ENTREP2: variants seen among roughly 807,000 people sequenced by gnomAD.
ENTREP2 encodes the protein endosomal transmembrane epsin interactor 2, also known as protein ENTREP2.
At chr15:29,524,252 A>G in the ENTREP2 span, among the ~76,000 whole-genome samples, 1 of 152,356 alleles carries the variant, frequency 6.6e-6, no homozygotes, top group East Asian at 1.9e-4. Context: ...TTGAAGGACC[A>G]ATAAGCACAT....
chr15:29,566,293 G>C, the ENTREP2 span, among the ~76,000 whole-genome samples: 2 of 151,608 alleles, frequency 1.3e-5, no homozygotes, highest in South Asian at 2.1e-4. Flanking sequence ...AGAGCAGCTG[G>C]AACTACAGGC....
chr15:29,521,890 CATTA>C, the ENTREP2 span, among the ~76,000 whole-genome samples: 6 of 151,952 alleles, frequency 3.9e-5, no homozygotes, highest in South Asian at 2.1e-4. Context: ...TTTTAAAACA[CATTA>C]ATTAAGACAG....
the ENTREP2 span, among the ~76,000 whole-genome samples, chr15:29,600,182 GCTTGAGAAACA>G: frequency 6.6e-6 from 1 of 152,016 alleles, no homozygotes; most frequent in Non-Finnish European, 1.5e-5. Flanking sequence ...AGCATGCATG[GCTTGAGAAACA>G]CTTTTTAGGC....
the ENTREP2 span, among the ~76,000 whole-genome samples, chr15:29,159,356 G>A: frequency 1.3e-5 from 2 of 152,308 alleles, no homozygotes; most frequent in South Asian, 2.1e-4. Context: ...AGCTCATAAA[G>A]GCAAGGTGGA....
the ENTREP2 span, among the ~76,000 whole-genome samples, chr15:29,291,614 AG>A: frequency 1.3e-5 from 2 of 152,152 alleles, no homozygotes; most frequent in Non-Finnish European, 2.9e-5. Context: ...ATAAGCAGAA[AG>A]AAATCGAAGC....
chr15:29,376,536 T>A, the ENTREP2 span: 1 of 145,538 alleles, frequency 6.9e-6, no homozygotes, highest in Admixed American at 6.8e-5. Flanking sequence ...AAGGCACTTA[T>A]AAAACACTAT....
At chr15:29,273,204 T>TC in the ENTREP2 span, among the ~76,000 whole-genome samples, 6 of 150,548 alleles carry the variant, frequency 4.0e-5, no homozygotes, top group South Asian at 1.3e-3. Flanking sequence ...TTAAACTTTT[T>TC]TTTTTTTTTT....
the ENTREP2 span, among the ~76,000 whole-genome samples, chr15:29,226,275 G>A: frequency 6.6e-6 from 1 of 152,136 alleles, no homozygotes; most frequent in African/African-American, 2.4e-5. Flanking sequence ...TACTTTGCTA[G>A]GAAAGTTTAC....
At chr15:29,383,934 C>T in the ENTREP2 span, among the ~76,000 whole-genome samples, 2 of 152,206 alleles carry the variant, frequency 1.3e-5, no homozygotes, top group African/African-American at 4.8e-5. Flanking sequence ...CCGCCCGGGT[C>T]CCCTCCCATG....
At chr15:29,269,377 T>C in the ENTREP2 span, 4 of 1,614,170 alleles carry the variant, frequency 2.5e-6, no homozygotes, top group Non-Finnish European at 3.4e-6. Context: ...CTTCAGTATG[T>C]CGGCCCGCTT....
the ENTREP2 span, among the ~76,000 whole-genome samples, chr15:29,158,952 T>C: frequency 3.3e-5 from 5 of 152,120 alleles, no homozygotes; most frequent in African/African-American, 4.8e-5. Flanking sequence ...ATATTAATAA[T>C]AAGATTAACA....
At chr15:29,495,283 T>C in the ENTREP2 span, among the ~76,000 whole-genome samples, 1 of 152,346 alleles carries the variant, frequency 6.6e-6, no homozygotes, top group South Asian at 2.1e-4. Context: ...TGTATTTCCC[T>C]GATGATTGAT....
chr15:29,312,993 T>C, the ENTREP2 span, among the ~76,000 whole-genome samples: 1 of 152,218 alleles, frequency 6.6e-6, no homozygotes, highest in Non-Finnish European at 1.5e-5. Context: ...AACACACGAA[T>C]GATCAAGAAA....
the ENTREP2 span, among the ~76,000 whole-genome samples, chr15:29,649,727 C>CAAAAAAAA: frequency 4.5e-3 from 300 of 66,434 alleles, no homozygotes; most frequent in Non-Finnish European, 5.1e-3. Flanking sequence ...TCAACAACAA[C>CAAAAAAAA]AAAAAAAAAA....
the ENTREP2 span, among the ~76,000 whole-genome samples, chr15:29,484,823 T>G: frequency 6.6e-6 from 1 of 152,092 alleles, no homozygotes; most frequent in African/African-American, 2.4e-5. Context: ...TTGACTATGA[T>G]ATGGAAAAAA....
At chr15:29,419,789 G>A in the ENTREP2 span, among the ~76,000 whole-genome samples, 1 of 152,140 alleles carries the variant, frequency 6.6e-6, no homozygotes, top group South Asian at 2.1e-4. Flanking sequence ...TTTAAGTCCT[G>A]AAAGGAAGTA....
the ENTREP2 span, among the ~76,000 whole-genome samples, chr15:29,211,130 A>T: frequency 6.6e-6 from 1 of 152,134 alleles, no homozygotes; most frequent in Non-Finnish European, 1.5e-5. Context: ...AAATCAAATT[A>T]TTTCTTCAGT....
the ENTREP2 span, among the ~76,000 whole-genome samples, chr15:29,458,360 C>T: frequency 9.9e-5 from 15 of 152,174 alleles, no homozygotes; most frequent in Non-Finnish European, 2.2e-4. Context: ...TTTATCTCTT[C>T]CTGAAACACC....
the ENTREP2 span, among the ~76,000 whole-genome samples, chr15:29,485,938 G>A: frequency 4.6e-5 from 7 of 152,250 alleles, no homozygotes; most frequent in East Asian, 1.3e-3. Context: ...AGCTGCTAAG[G>A]AAAATCGTAT....
Sources: gnomAD v4.1 joint callset for allele counts (sites outside exome capture counted in the v4.1 genomes callset) on GRCh38, gnomAD v4.1.1 for gene constraint, MANE v1.5 for transcripts, NCBI Gene and HGNC (gene_info 2026-07-23, HGNC 2026-07-21) for gene names.